PHF24: variants seen among roughly 807,000 people sequenced by gnomAD.
PHF24 encodes the protein PHD finger protein 24.
PHF24 carries 25 observed loss-of-function variants against 42.6 expected under a neutral mutation model. The observed-to-expected ratio is 0.59, with a 90% CI of 0.43 to 0.82. The LOEUF is 0.82. PHF24 is among the 40% of genes least tolerant of loss of function. PHF24 has a pLI of 0.00. For synonymous variants in PHF24, 185 were observed against 204.8 expected, an observed-to-expected ratio of 0.90 and a Z score of 0.83; for missense variants, 470 against 538.1, an observed-to-expected ratio of 0.87 and a Z score of 1.25.
the PHF24 span, among the ~76,000 whole-genome samples, chr9:34,786,935 A>T: frequency 3.7e-5 from 5 of 135,734 alleles, no homozygotes; most frequent in Non-Finnish European, 8.3e-5. Flanking sequence ...CCCTTACAGG[A>T]TTTCCAACAG....
At chr9:34,886,890 G>T in the PHF24 span, among the ~76,000 whole-genome samples, 14 of 149,710 alleles carry the variant, frequency 9.4e-5, no homozygotes, top group East Asian at 2.8e-3. Context: ...CTGGAGTCTG[G>T]GCTCTTCCCT....
the PHF24 span, among the ~76,000 whole-genome samples, chr9:34,716,565 CTTTGTTTTG>C: frequency 6.7e-6 from 1 of 148,212 alleles, no homozygotes; most frequent in African/African-American, 2.5e-5. Context: ...TTTTGTTTTG[CTTTGTTTTG>C]TTTTGTTTTG....
chr9:34,822,161 A>G, the PHF24 span, among the ~76,000 whole-genome samples: 93 of 152,258 alleles, frequency 6.1e-4, no homozygotes, highest in African/African-American at 2.2e-3. Context: ...TTTAAAATCC[A>G]TTATCTTTTA....
At chr9:34,770,246 A>G in the PHF24 span, among the ~76,000 whole-genome samples, 1 of 152,178 alleles carries the variant, frequency 6.6e-6, no homozygotes, top group South Asian at 2.1e-4. Flanking sequence ...CAGTCCACAG[A>G]AAAAGAAATA....
At chr9:34,750,764 G>C in the PHF24 span, among the ~76,000 whole-genome samples, 1 of 151,844 alleles carries the variant, frequency 6.6e-6, no homozygotes, top group South Asian at 2.1e-4. Flanking sequence ...TTTTCAATAA[G>C]AGGAAGACAG....
At chr9:34,978,270 C>A in exon 8 of PHF24, 1 of 611,048 alleles carries the variant, frequency 1.6e-6, no homozygotes. Context: ...TCACCATTCC[C>A]CTCACAATAG....
chr9:34,929,948 G>A, the PHF24 span, among the ~76,000 whole-genome samples: 3 of 152,136 alleles, frequency 2.0e-5, no homozygotes, highest in Admixed American at 6.5e-5. Flanking sequence ...TGGATACCCA[G>A]CCCACTCTGC....
chr9:34,891,555 T>C, the PHF24 span, among the ~76,000 whole-genome samples: 224 of 152,328 alleles, frequency 1.5e-3, no homozygotes, highest in African/African-American at 5.1e-3. Context: ...CAGGGATTAT[T>C]GGTCATCAGG....
At chr9:34,675,369 G>A in the PHF24 span, among the ~76,000 whole-genome samples, 1 of 152,308 alleles carries the variant, frequency 6.6e-6, no homozygotes, top group Admixed American at 6.5e-5. Context: ...GGGCTGTCAT[G>A]TCTTGTTCCA....
chr9:34,837,163 G>T, the PHF24 span: 2 of 470,248 alleles, frequency 4.3e-6, no homozygotes, highest in Non-Finnish European at 8.8e-6. Context: ...GTAGACAGTG[G>T]CATGGTAGAG....
intron 2 of PHF24, 31 bp from the exon 3 acceptor site, chr9:34,972,315 A>G: frequency 6.4e-7 from 1 of 1,562,970 alleles, no homozygotes. Context: ...ACATTTACAC[A>G]TCCCTGTTTC....
chr9:34,891,572 G>A, the PHF24 span, among the ~76,000 whole-genome samples: 2 of 152,166 alleles, frequency 1.3e-5, no homozygotes, highest in Non-Finnish European at 2.9e-5. Flanking sequence ...CAGGTCACAG[G>A]ATGAACTGGA....
the PHF24 span, chr9:34,725,930 G>T: frequency 6.4e-7 from 1 of 1,551,590 alleles, no homozygotes; most frequent in Non-Finnish European, 8.7e-7. Flanking sequence ...GTGCAGAGAA[G>T]GGAGCCCACA....
intron 7 of PHF24, 92 bp from the exon 8 acceptor site, chr9:34,977,923 A>C: frequency 9.7e-7 from 1 of 1,032,456 alleles, no homozygotes; most frequent in Non-Finnish European, 1.5e-6. Flanking sequence ...ACGCGTCTTC[A>C]AACCAGCCTC....
chr9:34,665,780 T>G, the PHF24 span: 2 of 649,402 alleles, frequency 3.1e-6, no homozygotes, highest in Admixed American at 2.4e-5. Flanking sequence ...AATCTGAGGC[T>G]GATGCCCCCG....
chr9:34,717,534 G>C, the PHF24 span, among the ~76,000 whole-genome samples: 1 of 151,898 alleles, frequency 6.6e-6, no homozygotes, highest in Non-Finnish European at 1.5e-5. Context: ...GGCTGCTGAA[G>C]AGGGCAGTGG....
upstream of PHF24, among the ~76,000 whole-genome samples, chr9:34,956,396 A>T (rs1478510868): frequency 6.6e-6 from 1 of 152,138 alleles, no homozygotes; most frequent in East Asian, 1.9e-4. Context: ...AGTAGCTGGG[A>T]CCACAGGCGC....
chr9:34,921,177 G>GT, the PHF24 span, among the ~76,000 whole-genome samples: 27,514 of 147,466 alleles, frequency 0.19, 3,054 homozygotes, highest in South Asian at 0.27. Flanking sequence ...ATACCCAGTT[G>GT]TTTTTTTTTT....
the PHF24 span, among the ~76,000 whole-genome samples, chr9:34,697,720 G>C: frequency 6.6e-6 from 1 of 152,214 alleles, no homozygotes. Context: ...AGAAATAAAT[G>C]TTGAAATTAC....
Sources: allele counts gnomAD v4.1 joint callset (sites outside exome capture counted in the v4.1 genomes callset), GRCh38; gene constraint gnomAD v4.1.1; transcripts MANE v1.5; gene names NCBI Gene and HGNC (gene_info 2026-07-23, HGNC 2026-07-21).